KDM2A: variants seen among roughly 807,000 people sequenced by gnomAD.
KDM2A encodes lysine demethylase 2A.
In KDM2A, 3 loss-of-function variants were observed where a neutral mutation model predicts 137.3. The observed-to-expected ratio is 0.02, with a 90% CI of 0.01 to 0.06. The LOEUF is 0.06. Ranked by LOEUF, KDM2A falls within the 10% of genes least tolerant of loss-of-function variation. The pLI is 1.00. For synonymous variants in KDM2A, 512 were observed against 541.5 expected, an observed-to-expected ratio of 0.95 and a Z score of 0.76; for missense variants, 738 against 1,510.6, an observed-to-expected ratio of 0.49 and a Z score of 8.48.
At chr11:67,211,490 C>CGTG (rs1003232207) in intron 6 of KDM2A, among the ~76,000 whole-genome samples, 13 of 151,320 alleles carry the variant, frequency 8.6e-5, no homozygotes, top group Non-Finnish European at 1.6e-4. Flanking sequence ...GGTGCACACC[C>CGTG]GTGATCCCAG....
At chr11:67,229,869 C>T (rs1261646303) in intron 11 of KDM2A, among the ~76,000 whole-genome samples, 1 of 137,878 alleles carries the variant, frequency 7.3e-6, no homozygotes, top group Non-Finnish European at 1.5e-5. Context: ...GACTCCGTCT[C>T]AAAAAGAAAA....
In KDM2A at chr11:67,168,612, C is replaced by T. The variant is rs879502507; in HGVS notation, c.43-11467C>T. 5.0e-3 allele frequency among the ~76,000 whole-genome samples: 542 copies of T among 109,442 alleles called. 59 individuals are homozygous for T. Among genetic ancestry groups the T allele is most frequent in the African/African-American group, 0.025 (361 of 14,648 alleles). The allele number at this position is 109,442 out of a possible 152,430, so 71.8% of individuals were successfully genotyped here. A position where few individuals can be genotyped will look rare whatever the true frequency, so the allele number is the denominator to read the frequency against. On this transcript the variant is annotated intron_variant, in intron 2 of 20. Coordinates refer to ENST00000529006, the MANE Select transcript of KDM2A (RefSeq NM_012308.3). ...ACACACACACACACACACACACACA[C>T]ACACACACACACACACACACACACA...
intron 6 of KDM2A, among the ~76,000 whole-genome samples, chr11:67,209,960 C>G (rs1313465926): frequency 6.6e-6 from 1 of 151,700 alleles, no homozygotes; most frequent in Non-Finnish European, 1.5e-5. Context: ...CTCAAGAGAC[C>G]GAGGTGGGAG....
In KDM2A at chr11:67,127,933, C is replaced by T. The variant is rs557627754; in HGVS notation, c.42+6575C>T. On this transcript the variant is annotated intron_variant, in intron 2 of 20. Transcript: ENST00000529006. ...GTTAGCCAGGCTGGTTTCAAACTCC[C>T]GACCTCAGGCAGGCGATCTGCCTGC... is the stretch of plus-strand genomic sequence containing the variant. Among the ~76,000 whole-genome samples, 6 of 150,826 alleles carry T rather than the reference C, an allele frequency of 4.0e-5. No individual in the cohort carries two copies. In the East Asian group the frequency reaches 9.7e-4, roughly 24 times the overall value.
intron 2 of KDM2A, among the ~76,000 whole-genome samples, chr11:67,130,651 G>A (rs1855834032): frequency 6.6e-6 from 1 of 151,904 alleles, no homozygotes; most frequent in Non-Finnish European, 1.5e-5. Context: ...GGGGGGTAAC[G>A]GACACTCTTA....
chr11:67,177,667 A>T (rs192692802), intron 2 of KDM2A, among the ~76,000 whole-genome samples: 2 of 152,258 alleles, frequency 1.3e-5, no homozygotes, highest in East Asian at 3.9e-4. Flanking sequence ...GATACCTCCT[A>T]AGAGACCTCC....
intron 2 of KDM2A, among the ~76,000 whole-genome samples, chr11:67,145,983 G>GTTTTT (rs1555081284): frequency 7.4e-6 from 1 of 135,090 alleles, no homozygotes; most frequent in Admixed American, 7.3e-5. Context: ...CCCGTTTTTT[G>GTTTTT]TTTTGTTTTT....
rs773239884 is a variant in KDM2A, at chr11:67,181,417, G to T, written c.260+19G>T. On this transcript the variant is annotated intron_variant, in intron 4 of 20. Coordinates refer to ENST00000529006, the MANE Select transcript of KDM2A (RefSeq NM_012308.3). Reference sequence around the variant, plus strand: ...GAATAAAGTAAGTGTTTTCAGCCTGGCTGGATGTAGTTGCAAAATGGCCTC... The same window carrying T: ...GAATAAAGTAAGTGTTTTCAGCCTGTCTGGATGTAGTTGCAAAATGGCCTC... 6.3e-7 allele frequency: 1 copy of T among 1,589,960 alleles called. No homozygotes were observed. Among genetic ancestry groups the T allele is most frequent in the East Asian group, 2.2e-5 (1 of 44,564 alleles).
In KDM2A at chr11:67,255,234, C is replaced by T. The variant is rs1859562690; in HGVS notation, c.*179C>T. 2 of 608,490 alleles carry T rather than the reference C, an allele frequency of 3.3e-6. No individual in the cohort carries two copies. The highest frequency in any genetic ancestry group is 1.8e-5 in the African/African-American group (1 of 54,054). The allele number at this position is 608,490 out of a possible 1,614,324, so 37.7% of individuals were successfully genotyped here. ...AGAGGGTGGTGGACACCAGGCTTAT[C>T]TGCCTGCTCCTCTCCCTCCTAAGGA... On this transcript the variant is annotated 3_prime_UTR_variant, in exon 21 of 21. Coordinates refer to ENST00000529006, the MANE Select transcript of KDM2A (RefSeq NM_012308.3).
At chr11:67,125,321 C>T (rs866923477) in intron 2 of KDM2A, among the ~76,000 whole-genome samples, 5 of 151,880 alleles carry the variant, frequency 3.3e-5, no homozygotes, top group African/African-American at 1.2e-4. Context: ...GCTAGGACTA[C>T]AGCCCTGTGC....
chr11:67,157,210 G>A (rs1205290694), intron 2 of KDM2A, among the ~76,000 whole-genome samples: 2 of 151,206 alleles, frequency 1.3e-5, no homozygotes, highest in African/African-American at 4.9e-5. Flanking sequence ...CTACTCAGGA[G>A]GCTGAGGCAG....
intron 2 of KDM2A, among the ~76,000 whole-genome samples, chr11:67,131,059 C>T (rs1855843633): frequency 6.6e-6 from 1 of 152,140 alleles, no homozygotes. Context: ...TGCAGTGGCT[C>T]ACGCCTGTAA....
At chr11:67,227,735 T>A (rs1858592893) in intron 10 of KDM2A, among the ~76,000 whole-genome samples, 1 of 152,164 alleles carries the variant, frequency 6.6e-6, no homozygotes, top group Non-Finnish European at 1.5e-5. Flanking sequence ...CACACCTGGC[T>A]AATTTTTGTA....
chr11:67,204,723 C>T (rs1384366945), intron 5 of KDM2A, among the ~76,000 whole-genome samples: 1 of 151,998 alleles, frequency 6.6e-6, no homozygotes, highest in Non-Finnish European at 1.5e-5. Flanking sequence ...GATCTCCTGA[C>T]CTCGTGATCC....
rs1565426037 is a variant in KDM2A at position 67,250,250 on chromosome 11, C to T, written c.2220C>T (p.Ser740=). 4.3e-6 allele frequency: 7 copies of T among 1,613,886 alleles called. No homozygotes were observed. Among genetic ancestry groups the T allele is most frequent in the South Asian group, 1.1e-5 (1 of 91,084 alleles). ...VSPRGMVTRS[S]PGAGPSDHHS... is the part of the protein sequence containing the mutation. ...CCCGGGGTATGGTGACTCGGTCATC[C>T]CCTGGGGCTGGCCCCAGCGACCACC... The change falls in exon 17 of 21, where the codon TCC becomes TCT. Residue 740 remains serine (S), a synonymous_variant. Transcript: ENST00000529006. This position sits in a 1 kb window ranked among gnomAD's most constrained non-coding sequence, Gnocchi z 7.1.
At chr11:67,191,304 C>T (rs1341154065) in intron 5 of KDM2A, among the ~76,000 whole-genome samples, 2 of 152,060 alleles carry the variant, frequency 1.3e-5, no homozygotes, top group Non-Finnish European at 1.5e-5. Flanking sequence ...AGATAACAGG[C>T]GTGAGCCACT....
intron 12 of KDM2A, among the ~76,000 whole-genome samples, chr11:67,240,529 A>G (rs529723692): frequency 6.6e-6 from 1 of 152,134 alleles, no homozygotes; most frequent in Non-Finnish European, 1.5e-5. Context: ...TTGTTCCCTC[A>G]CCTGGTGGGA....
chr11:67,228,104 A>C lies in KDM2A; in HGVS notation c.1025A>C (p.Tyr342Ser), dbSNP rs747225473. 6.2e-7 allele frequency: 1 copy of C among 1,612,950 alleles called. No homozygotes were observed. ...TGGTATGTGTTGGAGCGCTATGTGT[A>C]CTGCATAACCAACCGTTCCCACCTA... ...MCWYVLERYV[Y>S]CITNRSHLTK... The change falls in exon 11 of 21, where the codon TAC becomes TCC. Residue 342 changes from tyrosine (Y) to serine (S), a missense_variant. Physicochemically the swap from Tyr to Ser is moderately radical, Grantham distance 144. Coordinates refer to ENST00000529006, the MANE Select transcript of KDM2A (RefSeq NM_012308.3).
At chr11:67,127,159 G>A (rs1855749306) in intron 2 of KDM2A, among the ~76,000 whole-genome samples, 1 of 152,116 alleles carries the variant, frequency 6.6e-6, no homozygotes, top group South Asian at 2.1e-4. Flanking sequence ...GTGCAGTGGT[G>A]TGATCATTCC....
Sources: allele counts gnomAD v4.1 joint callset (sites outside exome capture counted in the v4.1 genomes callset), GRCh38; gene constraint gnomAD v4.1.1; non-coding constraint Gnocchi (gnomAD v3.1); transcripts MANE v1.5; gene names NCBI Gene and HGNC (gene_info 2026-07-23, HGNC 2026-07-21).